Variants in ASTN2 observed in about 807,000 individuals in gnomAD.
ASTN2 encodes astrotactin-2.
Under a neutral mutation model 139.8 loss-of-function variants are expected in ASTN2, and 54 were observed. That is an observed-to-expected ratio of 0.39 (90% CI 0.31 to 0.48). The LOEUF is 0.48. ASTN2 is among the 20% of genes least tolerant of loss of function. ASTN2 has a pLI of 0.95. For synonymous variants in ASTN2, 756 were observed against 719.5 expected (o/e 1.05, Z -0.81); for missense variants, 1,565 against 1,725.1 (o/e 0.91, Z 1.64).
chr9:116,634,456 A>G (rs919278854), intron 17 of ASTN2, among the ~76,000 whole-genome samples: 35 of 150,616 alleles, frequency 2.3e-4, no homozygotes, highest in African/African-American at 8.6e-4. Context: ...CGGGCGTGGT[A>G]GCGGGCGCCT....
intron 19 of ASTN2, among the ~76,000 whole-genome samples, chr9:116,607,613 A>T (rs1478595273): frequency 1.3e-5 from 2 of 151,516 alleles, no homozygotes; most frequent in African/African-American, 4.9e-5. Context: ...TTTCTGGATT[A>T]AATGGAATAA....
chr9:116,745,148 A>G (rs1452685124), intron 13 of ASTN2, among the ~76,000 whole-genome samples: 1 of 152,222 alleles, frequency 6.6e-6, no homozygotes, highest in African/African-American at 2.4e-5. Flanking sequence ...ATTTGATAGG[A>G]AAAGAAGCAG....
At chr9:116,529,877 T>A (rs1275885168) in intron 19 of ASTN2, among the ~76,000 whole-genome samples, 1 of 152,026 alleles carries the variant, frequency 6.6e-6, no homozygotes, top group East Asian at 1.9e-4. Context: ...CATGGGGAAC[T>A]GTGAGTAAAT....
rs540836417 is a variant in ASTN2 at position 117,225,646 on chromosome 9, T to A, written c.631-10904A>T. On this transcript the variant is annotated intron_variant, in intron 2 of 22. Coordinates refer to ENST00000313400, the MANE Select transcript of ASTN2 (RefSeq NM_001365068.1). ...GATTTACTTATTCCCCAGGGTAAGG[T>A]CATACCTGGAAGCAGGCAGACCTAA... Among the ~76,000 whole-genome samples the A allele has an allele frequency of 2.7e-5, 4 of 147,094 alleles. No individual in the cohort carries two copies. In the South Asian group the frequency reaches 8.8e-4, roughly 32 times the overall value.
intron 19 of ASTN2, among the ~76,000 whole-genome samples, chr9:116,555,890 T>C (rs1446751945): frequency 6.6e-6 from 1 of 152,192 alleles, no homozygotes; most frequent in Non-Finnish European, 1.5e-5. Context: ...GGTTAGAGGC[T>C]GCTAGTTCTG....
chr9:116,958,450 G>A (rs914618668), intron 10 of ASTN2, among the ~76,000 whole-genome samples: 4 of 152,106 alleles, frequency 2.6e-5, no homozygotes, highest in African/African-American at 7.2e-5. Flanking sequence ...TTAGCCGGGC[G>A]TGGCGGCGGG....
intron 20 of ASTN2, among the ~76,000 whole-genome samples, chr9:116,461,863 C>T (rs1251867059): frequency 1.3e-5 from 2 of 152,138 alleles, no homozygotes; most frequent in Admixed American, 6.5e-5. Flanking sequence ...CTTACGCATG[C>T]CTCATTCACA....
chr9:116,424,531 G>A lies in ASTN2; in HGVS notation c.*1320C>T, dbSNP rs970227988. ...AGGAAAGTTTTCAGTCCTTGAAAGA[G>A]GTGTACTGTCTCTTGTCTCTGGGCT... On this transcript the variant is annotated 3_prime_UTR_variant, in exon 23 of 23. Coordinates refer to ENST00000313400, the MANE Select transcript of ASTN2 (RefSeq NM_001365068.1). Among the ~76,000 whole-genome samples, 2 of 152,006 alleles carry A rather than the reference G, an allele frequency of 1.3e-5. No individual in the cohort carries two copies. Among genetic ancestry groups the A allele is most frequent in the Non-Finnish European group, 2.9e-5 (2 of 67,986 alleles).
At chr9:116,696,367 C>G (rs562104353) in intron 16 of ASTN2, among the ~76,000 whole-genome samples, 2 of 152,298 alleles carry the variant, frequency 1.3e-5, no homozygotes, top group East Asian at 3.9e-4. Context: ...TTCATTCTTA[C>G]ATTAACTCTG....
At chr9:117,087,862 T>C (rs1225559664) in intron 5 of ASTN2, among the ~76,000 whole-genome samples, 1 of 152,192 alleles carries the variant, frequency 6.6e-6, no homozygotes, top group African/African-American at 2.4e-5. Flanking sequence ...TTCCAGTGCT[T>C]ATGTACAACC....
At chr9:116,833,142 GT>G (rs1446410417) in intron 11 of ASTN2, among the ~76,000 whole-genome samples, 2 of 151,968 alleles carry the variant, frequency 1.3e-5, no homozygotes, top group African/African-American at 2.4e-5. Flanking sequence ...GGTAGTTTGT[GT>G]TTTTAAGAAA....
chr9:116,883,986 G>A (rs1200119925), intron 10 of ASTN2, among the ~76,000 whole-genome samples: 1 of 152,196 alleles, frequency 6.6e-6, no homozygotes, highest in African/African-American at 2.4e-5. Flanking sequence ...TAGTCTTGTG[G>A]CATCTGAAGG....
At chr9:116,818,574 A>G (rs1247585618) in intron 12 of ASTN2, among the ~76,000 whole-genome samples, 1 of 152,136 alleles carries the variant, frequency 6.6e-6, no homozygotes, top group Non-Finnish European at 1.5e-5. Flanking sequence ...TCACCCATTC[A>G]ATCTTCTTTA....
At chr9:116,547,139 G>C (rs1182752845) in intron 19 of ASTN2, among the ~76,000 whole-genome samples, 1 of 152,184 alleles carries the variant, frequency 6.6e-6, no homozygotes, top group African/African-American at 2.4e-5. Flanking sequence ...GAACCAAAGA[G>C]GTTTCCAGAG....
chr9:116,453,593 CAAAAAAAAAA>C (rs386416019), intron 20 of ASTN2, among the ~76,000 whole-genome samples: 5 of 58,786 alleles, frequency 8.5e-5, no homozygotes, highest in South Asian at 1.3e-3. Flanking sequence ...GACTCCGTCT[CAAAAAAAAAA>C]AAAAAAAAAA....
chr9:116,541,027 A>G (rs1851856493), intron 19 of ASTN2, among the ~76,000 whole-genome samples: 1 of 152,068 alleles, frequency 6.6e-6, no homozygotes, highest in Non-Finnish European at 1.5e-5. Context: ...GCAGAAAAAA[A>G]TATACATGAC....
At chr9:116,771,436 T>A (rs1829950996) in intron 13 of ASTN2, among the ~76,000 whole-genome samples, 1 of 152,160 alleles carries the variant, frequency 6.6e-6, no homozygotes, top group Admixed American at 6.5e-5. Flanking sequence ...GTTATTCTTA[T>A]AACATGTATC....
chr9:116,816,512 C>G (rs967855836), intron 12 of ASTN2, among the ~76,000 whole-genome samples: 4 of 152,192 alleles, frequency 2.6e-5, no homozygotes, highest in Non-Finnish European at 5.9e-5. Context: ...AGACCAGGCA[C>G]AGAGTAGTCA....
At chr9:116,666,956 T>A (rs1202832552) in intron 16 of ASTN2, among the ~76,000 whole-genome samples, 1 of 133,732 alleles carries the variant, frequency 7.5e-6, no homozygotes, top group South Asian at 2.6e-4. Flanking sequence ...ATTCTTTTTT[T>A]TTTTTTTTTT....
Sources: allele counts gnomAD v4.1 joint callset (sites outside exome capture counted in the v4.1 genomes callset), GRCh38; gene constraint gnomAD v4.1.1; transcripts MANE v1.5; gene names NCBI Gene and HGNC (gene_info 2026-07-23, HGNC 2026-07-21).